The following LTBP1 variants were observed in gnomAD, a reference collection of about 807,000 sequenced individuals.
The protein encoded by LTBP1 is latent-transforming growth factor beta-binding protein 1.
A neutral mutation model predicts 207.6 loss-of-function variants in LTBP1; 129 were observed. The observed-to-expected ratio is 0.62, with a 90% confidence interval of 0.54 to 0.72. The LOEUF is 0.72. Among genes scored for constraint, LTBP1 ranks in the 30% least tolerant of loss-of-function variants. LTBP1 has a pLI of 0.00. For synonymous variants in LTBP1, 963 were observed against 833.7 expected (o/e 1.16, Z -2.67); for missense variants, 2,281 against 2,217.2 (o/e 1.03, Z -0.58).
intron 3 of LTBP1, among the ~76,000 whole-genome samples, chr2:33,090,068 C>G (rs781378884): frequency 4.6e-5 from 7 of 152,196 alleles, no homozygotes; most frequent in Non-Finnish European, 8.8e-5. Context: ...TTTAGACCTA[C>G]TAGACTTTTA....
intron 15 of LTBP1, 22 bp from the exon 16 acceptor site, chr2:33,273,634 A>G (rs762564018): frequency 5.7e-6 from 9 of 1,579,882 alleles, no homozygotes; most frequent in Non-Finnish European, 7.7e-6. Context: ...GTTTTTTCAC[A>G]TTATTTTATT....
At chr2:33,308,444 TCTC>T (rs2094132140) in intron 22 of LTBP1, among the ~76,000 whole-genome samples, 1 of 152,224 alleles carries the variant, frequency 6.6e-6, no homozygotes, top group African/African-American at 2.4e-5. Context: ...ATCTTGCTGT[TCTC>T]CTTCTGTTCA....
intron 30 of LTBP1, 122 bp from the exon 31 acceptor site, chr2:33,365,211 T>G: frequency 1.2e-6 from 1 of 811,172 alleles, no homozygotes; most frequent in South Asian, 1.7e-5. Context: ...GGATTCAGAC[T>G]TTTACTTGGA....
chr2:33,048,416 G>A (rs2076552525), intron 3 of LTBP1, among the ~76,000 whole-genome samples: 1 of 152,140 alleles, frequency 6.6e-6, no homozygotes, highest in Non-Finnish European at 1.5e-5. Flanking sequence ...CAGGTGACTG[G>A]ATTAGAAGTG....
chr2:33,206,817 G>C (rs10205739), intron 7 of LTBP1, among the ~76,000 whole-genome samples: 85,288 of 151,648 alleles, frequency 0.56, 24,148 homozygotes, highest in Middle Eastern at 0.61. Context: ...TTGCTATGGT[G>C]ATAGTAATCA....
In LTBP1 at chr2:33,139,936, A is replaced by C. The variant is rs192460678; in HGVS notation, c.1201+4976A>C. ...TTTCAAGCTTAGGCATTTGGATTTTACTCTTTGAGAATTTACTAAAGTTCT... is the reference window on the plus strand; with the variant it reads ...TTTCAAGCTTAGGCATTTGGATTTTCCTCTTTGAGAATTTACTAAAGTTCT... On this transcript the variant is annotated intron_variant, in intron 5 of 33. Coordinates refer to ENST00000404816, the MANE Select transcript of LTBP1 (RefSeq NM_206943.4). Among the ~76,000 whole-genome samples, 12 of 152,162 alleles carry C rather than the reference A, an allele frequency of 7.9e-5. No individual in the cohort carries two copies. In the East Asian group the frequency reaches 2.3e-3, roughly 29 times the overall value.
chr2:33,188,529 C>G, intron 6 of LTBP1, 48 bp from the exon 7 acceptor site: 1 of 1,480,136 alleles, frequency 6.8e-7, no homozygotes, highest in Non-Finnish European at 9.2e-7. Context: ...TTTTGATTTG[C>G]CTGTTAGTTA....
chr2:33,149,041 C>T (rs574081227), intron 5 of LTBP1, among the ~76,000 whole-genome samples: 23 of 151,988 alleles, frequency 1.5e-4, no homozygotes, highest in East Asian at 1.2e-3. Context: ...AGTGAAACCC[C>T]GTCTCTACTA....
rs756148726 is a variant in LTBP1, at chr2:33,397,160, A to C, written c.4862A>C (p.Gln1621Pro). 1.2e-6 allele frequency: 2 copies of C among 1,614,050 alleles called. No homozygotes were observed. The highest frequency in any genetic ancestry group is 4.5e-5 in the East Asian group (2 of 44,876). Reference protein sequence around the residue: ...DRFLNSFEELQAEECGILNGC... With the variant: ...DRFLNSFEELPAEECGILNGC... ...TTTCTAAATAGCTTTGAGGAGTTAC[A>C]GGCTGAGGAATGCGGCATCCTCAAT... The change falls in exon 33 of 34, where the codon CAG (glutamine) becomes CCG (proline). Residue 1621 changes from glutamine to proline, a missense_variant. Around this residue, in one of 3 missense-constraint regions of LTBP1, gnomAD observed 1,671 missense variants for 1,634.8 expected, o/e 1.02. Transcript: ENST00000404816.
In LTBP1 at chr2:33,051,497, A is replaced by C. The variant is rs557703041; in HGVS notation, c.863+30291A>C. 2.2e-4 allele frequency among the ~76,000 whole-genome samples: 33 copies of C among 152,292 alleles called. No individual in the cohort carries two copies. In the East Asian group the frequency reaches 6.0e-3, roughly 28 times the overall value. On this transcript the variant is annotated intron_variant, in intron 3 of 33. Coordinates refer to ENST00000404816, the MANE Select transcript of LTBP1 (RefSeq NM_206943.4). The stretch of plus-strand genomic sequence containing the variant: ...CTGAGTGAGGATTGCCCGAGACTTG[A>C]GAGGCAGTTAGGCAGCCCCCTTCAT...
At chr2:32,972,803 C>T (rs1681114326) in intron 2 of LTBP1, among the ~76,000 whole-genome samples, 1 of 152,180 alleles carries the variant, frequency 6.6e-6, no homozygotes, top group African/African-American at 2.4e-5. Context: ...CTTGCTTCCC[C>T]TTCACTTTCT....
chr2:33,221,360 T>G (rs968307590), intron 8 of LTBP1, among the ~76,000 whole-genome samples: 1 of 152,332 alleles, frequency 6.6e-6, no homozygotes, highest in South Asian at 2.1e-4. Context: ...GAAATCCACT[T>G]CTGCCACATC....
intron 5 of LTBP1, among the ~76,000 whole-genome samples, chr2:33,138,826 G>C (rs2082352503): frequency 1.4e-5 from 2 of 146,762 alleles, no homozygotes; most frequent in South Asian, 4.3e-4. Flanking sequence ...AAAAACATTG[G>C]ACCATTTAAA....
chr2:33,062,190 A>G (rs2077298170), intron 3 of LTBP1, among the ~76,000 whole-genome samples: 1 of 149,748 alleles, frequency 6.7e-6, no homozygotes, highest in Non-Finnish European at 1.5e-5. Flanking sequence ...TTATTAGTAT[A>G]TATCCTGGAT....
intron 31 of LTBP1, among the ~76,000 whole-genome samples, chr2:33,379,766 T>C (rs572809634): frequency 2.0e-5 from 3 of 152,388 alleles, no homozygotes; most frequent in African/African-American, 7.2e-5. Context: ...TACATTTTCA[T>C]GACTAGTCAT....
At position 32,947,604 on chromosome 2, in the gene LTBP1, G is replaced by A. The variant is rs2148154890; in HGVS notation, c.280G>A (p.Ala94Thr). The change falls in exon 1 of 34, where the codon GCC becomes ACC. Residue 94 changes from alanine (A) to threonine (T), a missense_variant. Ala to Thr is a moderately conservative substitution (Grantham distance 58). Transcript: ENST00000404816. The part of the protein sequence containing the change: ...TRRTSKPGGA[A>T]LQGLRPPPPP... ...GCGCACGAGCAAGCCGGGCGGCGCG[G>A]CCCTGCAGGGGCTCAGACCGCCGCC... 6 of 1,327,832 alleles carry A rather than the reference G, an allele frequency of 4.5e-6. No homozygotes were observed. Among genetic ancestry groups the A allele is most frequent in the Non-Finnish European group, 4.8e-6 (5 of 1,045,382 alleles). The allele number at this position is 1,327,832 out of a possible 1,614,324, so 82.3% of individuals were successfully genotyped here. A position where few individuals can be genotyped will look rare whatever the true frequency, so the allele number is the denominator to read the frequency against.
At chr2:33,138,848 CTTTTTTTTTTTTTTTTT>C (rs71409603) in intron 5 of LTBP1, among the ~76,000 whole-genome samples, 4 of 77,644 alleles carry the variant, frequency 5.2e-5, no homozygotes, top group African/African-American at 2.1e-4. Flanking sequence ...AGTATGTTCT[CTTTTTTTTTTTTTTTTT>C]TTTTTTTTTT....
chr2:33,166,189 TATTTC>T (rs2084903945), intron 5 of LTBP1, among the ~76,000 whole-genome samples: 1 of 152,070 alleles, frequency 6.6e-6, no homozygotes, highest in Non-Finnish European at 1.5e-5. Context: ...TTTGTAAAAA[TATTTC>T]ATTATATATC....
chr2:33,318,536 A>G (rs1420182009), intron 24 of LTBP1, among the ~76,000 whole-genome samples: 1 of 152,198 alleles, frequency 6.6e-6, no homozygotes, highest in Non-Finnish European at 1.5e-5. Flanking sequence ...TTCTGGATAT[A>G]AATAAGTGCA....
Sources: gnomAD v4.1 joint callset for allele counts (sites outside exome capture counted in the v4.1 genomes callset) on GRCh38, gnomAD v4.1.1 for gene constraint, gnomAD v4.1.1 regional missense constraint, MANE v1.5 for transcripts, NCBI Gene and HGNC (gene_info 2026-07-23, HGNC 2026-07-21) for gene names.